The following TDRD3 variants were observed in gnomAD, a reference collection of about 807,000 sequenced individuals.
TDRD3 encodes the protein tudor domain-containing protein 3.
Under a neutral mutation model 86.7 loss-of-function variants are expected in TDRD3, and 45 were observed. The ratio of observed to expected loss-of-function variants is 0.52; its 90% confidence interval spans 0.41 to 0.67. The LOEUF is 0.67. Among genes scored for constraint, TDRD3 ranks in the 30% least tolerant of loss-of-function variants. The pLI is 0.00. For missense variants in TDRD3, 814 were observed against 889.0 expected (o/e 0.92, Z 1.07); for synonymous variants, 298 against 301.7 (o/e 0.99, Z 0.13).
chr13:60,487,037 A>G (rs1285998566), intron 7 of TDRD3, among the ~76,000 whole-genome samples: 3 of 152,100 alleles, frequency 2.0e-5, no homozygotes, highest in African/African-American at 7.2e-5. Context: ...CCAACAGTGG[A>G]TCAAAAATAT....
chr13:60,397,262 C>T lies in TDRD3; in HGVS notation c.-103C>T, dbSNP rs866897193. ...GCAGAGCCGACCAGAGGAGTTTTTT[C>T]TTTTCTTTTCTTTTTTTTTTTTTAA... On this transcript the variant is annotated 5_prime_UTR_variant, in exon 1 of 14. Coordinates refer to ENST00000377881, the MANE Select transcript of TDRD3 (RefSeq NM_001146070.2). 1.7e-6 allele frequency: 1 copy of T among 594,652 alleles called. No homozygotes were observed. Among genetic ancestry groups the T allele is most frequent in the East Asian group, 4.0e-5 (1 of 24,874 alleles). 36.8% of individuals were successfully genotyped at this position (594,652 alleles called of 1,614,324 possible). A position where few individuals can be genotyped will look rare whatever the true frequency, so the allele number is the denominator to read the frequency against.
intron 12 of TDRD3, among the ~76,000 whole-genome samples, chr13:60,561,432 G>A (rs1271124586): frequency 6.6e-6 from 1 of 152,024 alleles, no homozygotes; most frequent in Non-Finnish European, 1.5e-5. Flanking sequence ...TAATTTCTGT[G>A]GCTTGAGGGC....
intron 5 of TDRD3, among the ~76,000 whole-genome samples, chr13:60,473,049 G>C (rs1292689268): frequency 6.6e-6 from 1 of 152,104 alleles, no homozygotes; most frequent in Non-Finnish European, 1.5e-5. Flanking sequence ...ACCACAGACT[G>C]GGTAATTTAT....
intron 5 of TDRD3, among the ~76,000 whole-genome samples, chr13:60,475,580 G>A (rs1344432309): frequency 6.6e-6 from 1 of 152,060 alleles, no homozygotes; most frequent in East Asian, 1.9e-4. Context: ...CTTATGTGCA[G>A]TAATAGTAGT....
At chr13:60,406,142 A>G (rs570189591) in intron 1 of TDRD3, among the ~76,000 whole-genome samples, 1 of 152,298 alleles carries the variant, frequency 6.6e-6, no homozygotes, top group South Asian at 2.1e-4. Flanking sequence ...GGCATTAGGA[A>G]ATACCAATCT....
intron 10 of TDRD3, among the ~76,000 whole-genome samples, chr13:60,514,248 G>A (rs1207742454): frequency 1.3e-5 from 2 of 152,124 alleles, no homozygotes; most frequent in African/African-American, 4.8e-5. Context: ...AGATGATTTA[G>A]GGTATCTGGC....
intron 1 of TDRD3, among the ~76,000 whole-genome samples, chr13:60,414,831 C>G (rs1201560438): frequency 6.6e-6 from 1 of 151,882 alleles, no homozygotes; most frequent in East Asian, 1.9e-4. Context: ...TTGAGCATTC[C>G]TATCACACTT....
At chr13:60,419,683 G>A (rs369439757) in intron 1 of TDRD3, among the ~76,000 whole-genome samples, 29 of 152,018 alleles carry the variant, frequency 1.9e-4, no homozygotes, top group East Asian at 1.7e-3. Context: ...CCTAATGCAT[G>A]TGGGGCTTAA....
chr13:60,537,591 C>T (rs1957726094), intron 12 of TDRD3: 1 of 151,706 alleles, frequency 6.6e-6, no homozygotes. Flanking sequence ...ACAAAATTAT[C>T]AAAAAACAAA....
intron 5 of TDRD3, among the ~76,000 whole-genome samples, chr13:60,473,303 T>A (rs1467303177): frequency 6.6e-6 from 1 of 152,232 alleles, no homozygotes; most frequent in African/African-American, 2.4e-5. Context: ...CATAATCTTA[T>A]CACCCCTTGA....
intron 1 of TDRD3, among the ~76,000 whole-genome samples, chr13:60,435,497 A>C (rs879716468): frequency 2.8e-4 from 42 of 152,136 alleles, no homozygotes; most frequent in African/African-American, 1.0e-3. Context: ...CTTAGCTCCC[A>C]CTTACAAGTG....
At chr13:60,534,562 A>AT (rs35819304) in intron 11 of TDRD3, among the ~76,000 whole-genome samples, 22,762 of 149,830 alleles carry the variant, frequency 0.15, 2,114 homozygotes, top group South Asian at 0.28. Context: ...CTTTTTTGCA[A>AT]TTTTTTTTTT....
At chr13:60,513,415 G>T (rs540458499) in intron 10 of TDRD3, among the ~76,000 whole-genome samples, 1 of 152,136 alleles carries the variant, frequency 6.6e-6, no homozygotes. Context: ...TGTTACTTAC[G>T]CATATTTTTG....
rs140732555 is a variant in TDRD3 at position 60,439,365 on chromosome 13, C to G, written c.42-323C>G. Among the ~76,000 whole-genome samples the G allele has an allele frequency of 7.5e-4, 114 of 152,226 alleles. No individual in the cohort carries two copies. In the Middle Eastern group the frequency reaches 0.024, roughly 32 times the overall value. On this transcript the variant is annotated intron_variant, in intron 1 of 13. Transcript: ENST00000377881. ...TAAGATCTTATGGTATTAACAGATA[C>G]TTAAGTCGAGATTATATTTGTATAA... is the stretch of plus-strand genomic sequence containing the variant.
rs1339755861 is a variant in TDRD3, at chr13:60,528,911, A to T, written c.1686A>T (p.Ile562=). The T allele has an allele frequency of 3.7e-6, 6 of 1,612,650 alleles. No homozygotes were observed. The African/African-American group carries it at 6.7e-5, about 18-fold the overall frequency. The stretch of plus-strand genomic sequence containing the variant: ...TAAATAATGAAGCTTTCAGTGGTAT[A>T]AAAATTGAAAAACATTTTAATGTAA... ...QTINNEAFSG[I]KIEKHFNVNT... The change falls in exon 11 of 14, where the codon ATA becomes ATT. Residue 562 remains isoleucine, a synonymous_variant. Coordinates refer to ENST00000377881, the MANE Select transcript of TDRD3 (RefSeq NM_001146070.2).
intron 1 of TDRD3, among the ~76,000 whole-genome samples, chr13:60,408,559 G>A (rs1954287548): frequency 1.3e-5 from 2 of 152,146 alleles, no homozygotes; most frequent in African/African-American, 4.8e-5. Flanking sequence ...AACTTGTTGG[G>A]AACTGGGTGA....
chr13:60,483,691 T>A, intron 5 of TDRD3, 84 bp from the exon 6 acceptor site: 1 of 1,259,518 alleles, frequency 7.9e-7, no homozygotes, highest in Non-Finnish European at 1.1e-6. Flanking sequence ...TCTACTCAAA[T>A]AGGTAGATTC....
chr13:60,547,638 T>C (rs369867791), intron 12 of TDRD3: 1 of 156,236 alleles, frequency 6.4e-6, no homozygotes, highest in African/African-American at 2.4e-5. Context: ...TTCTCCCCTA[T>C]TCTGTAGTCT....
Position 60,467,259 on chromosome 13 carries a change from T to G in TDRD3, c.375T>G (p.Thr125=), listed in dbSNP as rs201025317. 2.5e-6 allele frequency: 4 copies of G among 1,613,904 alleles called. No homozygotes were observed. In the African/African-American group the frequency reaches 5.3e-5, roughly 22 times the overall value. Residue 125 remains threonine (T), a synonymous_variant, in exon 5 of 14, where the codon ACT becomes ACG. Coordinates refer to ENST00000377881, the MANE Select transcript of TDRD3 (RefSeq NM_001146070.2). The part of the protein sequence containing the change: ...SKISLNTPPG[T]KVKLSGIVDI... ...TTAGCCTGAACACACCACCTGGAAC[T>G]AAAGTTAAGCTCTCAGGCATTGTTG...
Sources: gnomAD v4.1 joint callset for allele counts (sites outside exome capture counted in the v4.1 genomes callset) on GRCh38, gnomAD v4.1.1 for gene constraint, MANE v1.5 for transcripts, NCBI Gene and HGNC (gene_info 2026-07-23, HGNC 2026-07-21) for gene names.